ANO3: variants seen among roughly 807,000 people sequenced by gnomAD.
ANO3 encodes the protein anoctamin 3, also known as anoctamin-3.
A neutral mutation model predicts 144.8 loss-of-function variants in ANO3; 99 were observed. The ratio of observed to expected loss-of-function variants is 0.68; its 90% confidence interval spans 0.58 to 0.81. The LOEUF is 0.81. ANO3 is among the 30% of genes least tolerant of loss of function. The probability of loss-of-function intolerance (pLI) is 0.00; values close to 1 mark genes in which losing one functional copy is unlikely to be tolerated. For synonymous variants in ANO3, 414 were observed against 392.6 expected (o/e 1.05, Z -0.64); for missense variants, 905 against 1,202.2 (o/e 0.75, Z 3.66).
At chr11:26,470,386 T>TGAGA (rs571143618) in intron 4 of ANO3, among the ~76,000 whole-genome samples, 2 of 134,806 alleles carry the variant, frequency 1.5e-5, no homozygotes, top group African/African-American at 2.8e-5. Flanking sequence ...CATTCCAACC[T>TGAGA]GAGAGAGAGA....
At chr11:26,223,574 T>A (rs1401941328) in intron 1 of ANO3, among the ~76,000 whole-genome samples, 1 of 150,750 alleles carries the variant, frequency 6.6e-6, no homozygotes, top group Non-Finnish European at 1.5e-5. Context: ...GTACCAATTT[T>A]CTGTGCTAGT....
At chr11:26,320,407 A>G (rs1364803658) in intron 1 of ANO3, among the ~76,000 whole-genome samples, 1 of 152,232 alleles carries the variant, frequency 6.6e-6, no homozygotes, top group Non-Finnish European at 1.5e-5. Context: ...CACAGAGCAG[A>G]TATGACAAAA....
chr11:26,432,668 C>G (rs1485299153), intron 1 of ANO3, among the ~76,000 whole-genome samples: 1 of 152,060 alleles, frequency 6.6e-6, no homozygotes, highest in African/African-American at 2.4e-5. Flanking sequence ...AGTCATTTCC[C>G]CATTGTGTGT....
chr11:26,345,916 A>T (rs1855485707), intron 1 of ANO3, among the ~76,000 whole-genome samples: 1 of 152,238 alleles, frequency 6.6e-6, no homozygotes, highest in Non-Finnish European at 1.5e-5. Flanking sequence ...ATATAAATAT[A>T]TAGAAAAGCT....
At chr11:26,537,510 A>C (rs997809162) in intron 10 of ANO3, 49 bp downstream of exon 10, 1 of 1,450,216 alleles carries the variant, frequency 6.9e-7, no homozygotes, top group Non-Finnish European at 9.7e-7. Flanking sequence ...TTTCATGCTC[A>C]ATGCTTGGTC....
At chr11:26,401,034 C>A (rs1195828271) in intron 1 of ANO3, among the ~76,000 whole-genome samples, 1 of 151,942 alleles carries the variant, frequency 6.6e-6, no homozygotes, top group Non-Finnish European at 1.5e-5. Context: ...TGGCTAAAAA[C>A]CAAATTATCT....
At position 26,553,238 on chromosome 11, in the gene ANO3, T is replaced by TTTTTTA; in HGVS notation, c.1290-7_1290-6insTATTTT. ...TGTTTTGTTTTGTTTTTGTTTTTGTTTTTTCTCAAGCCAAGAAATTTGTAA... is the reference window on the plus strand; with the variant it reads ...TGTTTTGTTTTGTTTTTGTTTTTGTTTTTTTATTTTCTCAAGCCAAGAAATTTGTAA... On this transcript the variant is annotated splice_polypyrimidine_tract_variant and intron_variant, in intron 12 of 26. Coordinates refer to ENST00000256737, the MANE Select transcript of ANO3 (RefSeq NM_031418.4). 6.5e-7 allele frequency: 1 copy of TTTTTTA among 1,538,856 alleles called. No homozygotes were observed. Among genetic ancestry groups the TTTTTTA allele is most frequent in the Middle Eastern group, 1.7e-4 (1 of 5,844 alleles).
chr11:26,502,387 A>G (rs1009272597), intron 4 of ANO3, among the ~76,000 whole-genome samples: 1 of 152,182 alleles, frequency 6.6e-6, no homozygotes, highest in Non-Finnish European at 1.5e-5. Flanking sequence ...ATTTAGGCTA[A>G]GTAGTGAAGT....
intron 14 of ANO3, among the ~76,000 whole-genome samples, chr11:26,582,569 T>G (rs79875143): frequency 0.036 from 5,471 of 152,290 alleles, 305 homozygotes; most frequent in African/African-American, 0.12. Context: ...CTTTGTAAAT[T>G]AACAATTAGT....
intron 24 of ANO3, among the ~76,000 whole-genome samples, chr11:26,651,616 T>C (rs1161527834): frequency 6.6e-6 from 1 of 152,146 alleles, no homozygotes; most frequent in Non-Finnish European, 1.5e-5. Context: ...TACCTTAATA[T>C]AAATTATTTT....
At chr11:26,625,492 C>T (rs561632197) in intron 18 of ANO3, among the ~76,000 whole-genome samples, 1 of 152,288 alleles carries the variant, frequency 6.6e-6, no homozygotes, top group African/African-American at 2.4e-5. Flanking sequence ...TTAGTCTTCA[C>T]ATCATTATGT....
chr11:26,455,219 G>A (rs955237558), intron 3 of ANO3, among the ~76,000 whole-genome samples: 5 of 150,188 alleles, frequency 3.3e-5, no homozygotes, highest in African/African-American at 7.3e-5. Context: ...GGAAGTTCTG[G>A]CCAGGGCAAT....
At chr11:26,430,563 A>T (rs1454762835) in intron 1 of ANO3, among the ~76,000 whole-genome samples, 2 of 152,292 alleles carry the variant, frequency 1.3e-5, no homozygotes, top group East Asian at 3.9e-4. Flanking sequence ...AACATTAAAA[A>T]TTTTAATTCC....
chr11:26,659,048 G>C (rs1853788852), intron 26 of ANO3, among the ~76,000 whole-genome samples: 1 of 151,298 alleles, frequency 6.6e-6, no homozygotes, highest in Non-Finnish European at 1.5e-5. Context: ...TTTAAGCAGG[G>C]CTCACACTAT....
At chr11:26,468,384 G>A (rs944764456) in intron 4 of ANO3, among the ~76,000 whole-genome samples, 7 of 151,864 alleles carry the variant, frequency 4.6e-5, no homozygotes, top group Non-Finnish European at 1.0e-4. Flanking sequence ...AGGATATTGG[G>A]TATCAAATCA....
chr11:26,386,854 T>A (rs9943646), intron 1 of ANO3, among the ~76,000 whole-genome samples: 40,170 of 151,808 alleles, frequency 0.26, 5,903 homozygotes, highest in African/African-American at 0.4. Context: ...TTAGTAAAAT[T>A]TAAATCATGT....
chr11:26,450,178 C>G (rs1219233885), intron 3 of ANO3, among the ~76,000 whole-genome samples: 1 of 152,158 alleles, frequency 6.6e-6, no homozygotes, highest in Non-Finnish European at 1.5e-5. Flanking sequence ...GTAACTGTGA[C>G]TTATGTTTGC....
In ANO3 at chr11:26,438,610, A is replaced by T. The variant is rs12789983; in HGVS notation, c.47-3308A>T. 2.2e-3 allele frequency among the ~76,000 whole-genome samples: 164 copies of T among 73,882 alleles called. 2 individuals carry two copies. The Admixed American group carries it at 0.031, about 14-fold the overall frequency. The allele number at this position is 73,882 out of a possible 152,430, so 48.5% of individuals were successfully genotyped here. ...AAAAATACAAAAAAAAAAAAAAAAG[A>T]AAAAAAAAAAAAAAGAAAATAGCCA... On this transcript the variant is annotated intron_variant, in intron 1 of 26. Coordinates refer to ENST00000256737, the MANE Select transcript of ANO3 (RefSeq NM_031418.4).
chr11:26,394,539 T>C (rs1856957529), intron 1 of ANO3, among the ~76,000 whole-genome samples: 1 of 150,644 alleles, frequency 6.6e-6, no homozygotes, highest in African/African-American at 2.4e-5. Context: ...AGGAGATAGA[T>C]GGAAAACATT....
Sources: gnomAD v4.1 joint callset for allele counts (sites outside exome capture counted in the v4.1 genomes callset) on GRCh38, gnomAD v4.1.1 for gene constraint, MANE v1.5 for transcripts, NCBI Gene and HGNC (gene_info 2026-07-23, HGNC 2026-07-21) for gene names.